The following CA10 variants were observed in gnomAD, a reference collection of about 807,000 sequenced individuals.
CA10 encodes the protein carbonic anhydrase-related protein 10.
CA10 carries 14 observed loss-of-function variants against 44.2 expected under a neutral mutation model. The observed-to-expected ratio is 0.32, with a 90% confidence interval of 0.21 to 0.50. CA10 has a LOEUF of 0.50. Among genes scored for constraint, CA10 ranks in the 20% least tolerant of loss-of-function variants. The pLI, the probability that CA10 is intolerant of heterozygous loss-of-function variation, is 0.99. For synonymous variants in CA10, 159 were observed against 141.6 expected, an observed-to-expected ratio of 1.12 and a Z score of -0.87; for missense variants, 350 against 409.7, an observed-to-expected ratio of 0.85 and a Z score of 1.26.
chr17:51,880,155 T>C (rs1046226515), intron 3 of CA10, among the ~76,000 whole-genome samples: 6 of 152,136 alleles, frequency 3.9e-5, no homozygotes, highest in African/African-American at 1.4e-4. Flanking sequence ...CTGCTTTCCT[T>C]GCCTTACCTC....
In CA10 at chr17:52,158,006, A is replaced by G. The variant is rs1334108502; in HGVS notation, c.-220T>C. The G allele has an allele frequency of 1.5e-5, 9 of 599,796 alleles. No individual in the cohort carries two copies. The allele number at this position is 599,796 out of a possible 1,614,324, so 37.2% of individuals were successfully genotyped here. A position where few individuals can be genotyped will look rare whatever the true frequency, so the allele number is the denominator to read the frequency against. ...CTCGGGCTCGACGGATGTGCGCCCC[A>G]GATGTGCTGACACATGTCCGATGCC... On this transcript the variant is annotated 5_prime_UTR_variant, in exon 1 of 9. Transcript: ENST00000451037.
intron 4 of CA10, among the ~76,000 whole-genome samples, chr17:51,673,281 A>G (rs748565377): frequency 5.9e-5 from 9 of 152,224 alleles, no homozygotes; most frequent in Non-Finnish European, 1.2e-4. Context: ...CAGGCAATTC[A>G]TGCAGATACC....
chr17:51,745,191 T>G (rs529802715), intron 4 of CA10, among the ~76,000 whole-genome samples: 1 of 152,256 alleles, frequency 6.6e-6, no homozygotes, highest in African/African-American at 2.4e-5. Flanking sequence ...ATTTTGTTGA[T>G]TAAGTCCCCT....
At chr17:51,670,495 T>G (rs1233175184) in intron 4 of CA10, among the ~76,000 whole-genome samples, 3 of 152,080 alleles carry the variant, frequency 2.0e-5, no homozygotes, top group Non-Finnish European at 4.4e-5. Context: ...TCCTTTTTTT[T>G]TTTTCCCCCT....
chr17:52,157,998 T>A lies in CA10; in HGVS notation c.-212A>T, dbSNP rs1381976433. 8.2e-6 allele frequency: 5 copies of A among 606,662 alleles called. No individual in the cohort carries two copies. The African/African-American group carries it at 9.2e-5, about 11-fold the overall frequency. The allele number at this position is 606,662 out of a possible 1,614,324, so 37.6% of individuals were successfully genotyped here. ...AATCTCCCCTCGGGCTCGACGGATG[T>A]GCGCCCCAGATGTGCTGACACATGT... is the stretch of plus-strand genomic sequence containing the variant. On this transcript the variant is annotated 5_prime_UTR_variant, in exon 1 of 9. Transcript: ENST00000451037.
At chr17:51,645,633 G>A in intron 6 of CA10, among the ~76,000 whole-genome samples, 1 of 152,180 alleles carries the variant, frequency 6.6e-6, no homozygotes, top group East Asian at 1.9e-4. Context: ...AGAAAAACAT[G>A]CTGACAAGTT....
chr17:51,804,185 C>T (rs1907042482), intron 3 of CA10, among the ~76,000 whole-genome samples: 1 of 152,128 alleles, frequency 6.6e-6, no homozygotes, highest in Admixed American at 6.5e-5. Context: ...AAACTTATCT[C>T]CTTCAATGTC....
chr17:51,639,485 C>T (rs980317197), intron 6 of CA10, among the ~76,000 whole-genome samples: 12 of 152,202 alleles, frequency 7.9e-5, no homozygotes, highest in African/African-American at 2.6e-4. Flanking sequence ...AAAGGTTATG[C>T]TCAGGGATTT....
intron 2 of CA10, among the ~76,000 whole-genome samples, chr17:52,002,565 G>T (rs144982710): frequency 2.0e-5 from 3 of 151,886 alleles, no homozygotes; most frequent in African/African-American, 7.2e-5. Context: ...ATGGATGCCT[G>T]CACAAAAATA....
At chr17:51,835,017 C>G (rs1297428958) in intron 3 of CA10, among the ~76,000 whole-genome samples, 3 of 152,092 alleles carry the variant, frequency 2.0e-5, no homozygotes, top group African/African-American at 4.8e-5. Flanking sequence ...CCCTTCCCTG[C>G]TACTCTAGCT....
At chr17:52,135,483 A>G (rs943429402) in intron 1 of CA10, among the ~76,000 whole-genome samples, 11 of 152,130 alleles carry the variant, frequency 7.2e-5, no homozygotes, top group African/African-American at 2.4e-4. Context: ...ATGAAGTTCA[A>G]TTGCACAGGA....
In CA10 at chr17:51,841,390, A is replaced by C. The variant is rs753192671; in HGVS notation, c.279+89600T>G. Reference sequence around the variant, plus strand: ...CTGGCAGCATCTTCCCCAGTAAACCAGTGTGCAAAAGAGTGCATCTTCTTT... The same window carrying C: ...CTGGCAGCATCTTCCCCAGTAAACCCGTGTGCAAAAGAGTGCATCTTCTTT... On this transcript the variant is annotated intron_variant, in intron 3 of 8. Transcript: ENST00000451037. Among the ~76,000 whole-genome samples, 9 of 152,290 alleles carry C rather than the reference A, an allele frequency of 5.9e-5. 1 individual carries two copies. In the Middle Eastern group the frequency reaches 0.01, roughly 174 times the overall value.
At chr17:51,894,217 T>C (rs1383197870) in intron 3 of CA10, among the ~76,000 whole-genome samples, 2 of 151,962 alleles carry the variant, frequency 1.3e-5, no homozygotes, top group Non-Finnish European at 1.5e-5. Flanking sequence ...GACTCCAAGA[T>C]CAGGGGGCAG....
intron 3 of CA10, among the ~76,000 whole-genome samples, chr17:51,836,959 T>G (rs1908500865): frequency 6.6e-6 from 1 of 151,526 alleles, no homozygotes; most frequent in African/African-American, 2.4e-5. Context: ...GCATAAGGAG[T>G]AATGAAGGAG....
chr17:52,044,117 T>C (rs1056065847), intron 2 of CA10, among the ~76,000 whole-genome samples: 8 of 152,134 alleles, frequency 5.3e-5, no homozygotes, highest in African/African-American at 1.9e-4. Context: ...TCAAAGTGTT[T>C]GACAAGGACT....
chr17:51,734,178 TGG>T (rs11302511), intron 4 of CA10, among the ~76,000 whole-genome samples: 11,903 of 130,104 alleles, frequency 0.091, 734 homozygotes, highest in African/African-American at 0.17. Flanking sequence ...AATCTTTGGT[TGG>T]GGGGGGGGGG....
chr17:51,880,069 C>T (rs1429708915), intron 3 of CA10, among the ~76,000 whole-genome samples: 15 of 152,078 alleles, frequency 9.9e-5, no homozygotes, highest in Admixed American at 9.2e-4. Context: ...CTTTATAGGG[C>T]TCTCATACTC....
At chr17:51,764,932 G>A (rs888629530) in intron 3 of CA10, among the ~76,000 whole-genome samples, 1 of 152,154 alleles carries the variant, frequency 6.6e-6, no homozygotes, top group Non-Finnish European at 1.5e-5. Flanking sequence ...CAATATAACT[G>A]CTCCACTTTG....
intron 4 of CA10, among the ~76,000 whole-genome samples, chr17:51,744,510 C>G (rs966267194): frequency 1.3e-5 from 2 of 151,618 alleles, no homozygotes; most frequent in Non-Finnish European, 2.9e-5. Context: ...GTGGGGGGGC[C>G]AAGACAAAAG....
Sources: gnomAD v4.1 joint callset for allele counts (sites outside exome capture counted in the v4.1 genomes callset) on GRCh38, gnomAD v4.1.1 for gene constraint, MANE v1.5 for transcripts, NCBI Gene and HGNC (gene_info 2026-07-23, HGNC 2026-07-21) for gene names.